The following RBMS3 variants were observed in gnomAD, a reference collection of about 807,000 sequenced individuals.
RBMS3 encodes RNA-binding motif, single-stranded-interacting protein 3.
RBMS3 carries 27 observed loss-of-function variants against 66.8 expected under a neutral mutation model. That is an observed-to-expected ratio of 0.40 (90% CI 0.30 to 0.56). The LOEUF (loss-of-function observed/expected upper bound fraction) is 0.56. Ranked by LOEUF, RBMS3 falls within the 20% of genes least tolerant of loss-of-function variation. The probability of loss-of-function intolerance (pLI) is 0.40; values close to 1 mark genes in which losing one functional copy is unlikely to be tolerated. For synonymous variants in RBMS3, 188 were observed against 183.0 expected, an observed-to-expected ratio of 1.03 and a Z score of -0.22; for missense variants, 513 against 549.5, an observed-to-expected ratio of 0.93 and a Z score of 0.66.
rs77649571 is a variant in RBMS3, at chr3:29,890,814, A to C, written c.792-6565A>C. 3.7e-3 allele frequency among the ~76,000 whole-genome samples: 566 copies of C among 151,712 alleles called. 8 individuals are homozygous for C. In the East Asian group the frequency reaches 0.051, roughly 14 times the overall value. On this transcript the variant is annotated intron_variant, in intron 8 of 14. Transcript: ENST00000383767. ...GTGATTCTCTGGGAAGGGCCAACAC[A>C]GTAGTGGGAAATAGGGTGAGACGGA...
intron 14 of RBMS3, 71 bp downstream of exon 14, chr3:29,991,280 G>A: frequency 1.3e-6 from 2 of 1,597,228 alleles, no homozygotes; most frequent in South Asian, 1.1e-5. Context: ...CATGTTGTAT[G>A]TGTTAGCTTT....
chr3:29,691,122 G>T (rs143757191), intron 4 of RBMS3, among the ~76,000 whole-genome samples: 5 of 152,308 alleles, frequency 3.3e-5, no homozygotes, highest in Middle Eastern at 3.4e-3. Flanking sequence ...GACAGAAAGA[G>T]ATATTGTATA....
chr3:29,987,547 T>TG (rs1698513053), intron 12 of RBMS3, among the ~76,000 whole-genome samples: 1 of 152,092 alleles, frequency 6.6e-6, no homozygotes, highest in Admixed American at 6.5e-5. Flanking sequence ...GAGAATGAAA[T>TG]GGGAGAAGGG....
intron 12 of RBMS3, among the ~76,000 whole-genome samples, chr3:29,985,678 C>G (rs1698336128): frequency 6.6e-6 from 1 of 152,040 alleles, no homozygotes; most frequent in South Asian, 2.1e-4. Context: ...TGGGCTGCAC[C>G]CACTATCTAA....
chr3:29,394,798 C>T (rs898957226), intron 1 of RBMS3, among the ~76,000 whole-genome samples: 7 of 152,130 alleles, frequency 4.6e-5, no homozygotes, highest in African/African-American at 1.7e-4. Flanking sequence ...TTGATTGCCT[C>T]TCCTGTTACT....
Position 29,473,848 on chromosome 3 carries a change from C to T in RBMS3, c.249-14593C>T, listed in dbSNP as rs112894086. ...CCTGGAAGTCCAGCTGTCCCGCAAG[C>T]GCCGCGCGCAGCCCCGGTTCCCGCT... On this transcript the variant is annotated intron_variant, in intron 2 of 14. Coordinates refer to ENST00000383767, the MANE Select transcript of RBMS3 (RefSeq NM_001003793.3). Among the ~76,000 whole-genome samples, 17 of 152,366 alleles carry T rather than the reference C, an allele frequency of 1.1e-4. No individual in the cohort carries two copies. In the East Asian group the frequency reaches 1.5e-3, roughly 14 times the overall value.
intron 10 of RBMS3, among the ~76,000 whole-genome samples, chr3:29,934,476 C>G (rs1230494568): frequency 6.6e-6 from 1 of 151,870 alleles, no homozygotes; most frequent in Non-Finnish European, 1.5e-5. Flanking sequence ...AAAAGGAAAA[C>G]AATAAAGATG....
intron 2 of RBMS3, among the ~76,000 whole-genome samples, chr3:29,470,517 A>C (rs1235607558): frequency 6.6e-6 from 1 of 152,102 alleles, no homozygotes; most frequent in Admixed American, 6.5e-5. Context: ...CTATAAGCAC[A>C]CATACATACA....
intron 1 of RBMS3, among the ~76,000 whole-genome samples, chr3:29,398,120 T>C (rs2039640340): frequency 2.0e-5 from 3 of 152,146 alleles, no homozygotes; most frequent in Admixed American, 2.0e-4. Flanking sequence ...TATATGAGCA[T>C]CATAAATCAA....
chr3:29,618,801 C>T (rs1284717678), intron 4 of RBMS3, among the ~76,000 whole-genome samples: 1 of 152,168 alleles, frequency 6.6e-6, no homozygotes, highest in Non-Finnish European at 1.5e-5. Flanking sequence ...ACCTACCGTG[C>T]AGCCCATAGC....
chr3:29,388,636 G>A (rs1201461595), intron 1 of RBMS3, among the ~76,000 whole-genome samples: 1 of 152,132 alleles, frequency 6.6e-6, no homozygotes, highest in Non-Finnish European at 1.5e-5. Flanking sequence ...GTGCAGTGGC[G>A]CGATCTCGGC....
intron 1 of RBMS3, among the ~76,000 whole-genome samples, chr3:29,421,411 T>C (rs771950527): frequency 6.6e-6 from 1 of 152,200 alleles, no homozygotes; most frequent in Non-Finnish European, 1.5e-5. Flanking sequence ...GGGAACAATT[T>C]TTTAAAAATC....
intron 5 of RBMS3, among the ~76,000 whole-genome samples, chr3:29,756,366 A>G (rs1408607688): frequency 6.6e-6 from 1 of 152,144 alleles, no homozygotes; most frequent in Non-Finnish European, 1.5e-5. Context: ...CCTGAGACTG[A>G]GTAATTTATA....
chr3:29,700,296 A>G (rs1197010860), intron 4 of RBMS3, among the ~76,000 whole-genome samples: 1 of 152,218 alleles, frequency 6.6e-6, no homozygotes, highest in Non-Finnish European at 1.5e-5. Context: ...ATTAGTCAAG[A>G]CAGGAATAGT....
chr3:29,986,138 G>A (rs1281544012), intron 12 of RBMS3, among the ~76,000 whole-genome samples: 1 of 151,990 alleles, frequency 6.6e-6, no homozygotes. Flanking sequence ...CCTTTTACTA[G>A]TATATAGTAA....
chr3:29,765,490 A>G (rs2055884778), intron 6 of RBMS3, among the ~76,000 whole-genome samples: 1 of 152,024 alleles, frequency 6.6e-6, no homozygotes, highest in African/African-American at 2.4e-5. Flanking sequence ...TGACCCACTG[A>G]AAACTAAAAT....
intron 10 of RBMS3, among the ~76,000 whole-genome samples, chr3:29,907,173 G>A (rs2060401617): frequency 6.6e-6 from 1 of 152,058 alleles, no homozygotes; most frequent in Admixed American, 6.6e-5. Flanking sequence ...ATGTTTGGTT[G>A]ATTCTTCATG....
chr3:29,473,245 T>C (rs535025539), intron 2 of RBMS3, among the ~76,000 whole-genome samples: 3 of 151,550 alleles, frequency 2.0e-5, no homozygotes, highest in East Asian at 2.0e-4. Flanking sequence ...AGGGTGCTGA[T>C]TGGTGTGTTT....
intron 3 of RBMS3, among the ~76,000 whole-genome samples, chr3:29,507,012 T>TAAA (rs3043394): frequency 0.036 from 5,162 of 144,668 alleles, 139 homozygotes; most frequent in Admixed American, 0.093. Flanking sequence ...TTTGTTTGTT[T>TAAA]AAAAAAAAAA....
Sources: gnomAD v4.1 joint callset for allele counts (sites outside exome capture counted in the v4.1 genomes callset) on GRCh38, gnomAD v4.1.1 for gene constraint, MANE v1.5 for transcripts, NCBI Gene and HGNC (gene_info 2026-07-23, HGNC 2026-07-21) for gene names.